DOK6: variants seen among roughly 807,000 people sequenced by gnomAD.
The protein encoded by DOK6 is downstream of tyrosine kinase 6.
DOK6 carries 22 observed loss-of-function variants against 44.0 expected under a neutral mutation model. The ratio of observed to expected loss-of-function variants is 0.50; its 90% CI spans 0.36 to 0.71. The LOEUF is 0.71. Among genes scored for constraint, DOK6 ranks in the 30% least tolerant of loss-of-function variants. DOK6 has a pLI of 0.00. For synonymous variants in DOK6, 166 were observed against 145.5 expected (o/e 1.14, Z -1.01); for missense variants, 340 against 416.4 (o/e 0.82, Z 1.60).
chr18:69,717,833 GC>G (rs1986919017), intron 5 of DOK6, among the ~76,000 whole-genome samples: 1 of 152,154 alleles, frequency 6.6e-6, no homozygotes, highest in South Asian at 2.1e-4. Flanking sequence ...TGGTTGGTTT[GC>G]ATTTGAAAAG....
intron 1 of DOK6, among the ~76,000 whole-genome samples, chr18:69,482,777 A>C (rs1980465818): frequency 6.6e-6 from 1 of 151,948 alleles, no homozygotes; most frequent in Non-Finnish European, 1.5e-5. Flanking sequence ...ACTATATGAA[A>C]AAGGATGAAA....
chr18:69,477,068 C>T (rs1385563119), intron 1 of DOK6, among the ~76,000 whole-genome samples: 3 of 152,124 alleles, frequency 2.0e-5, no homozygotes, highest in African/African-American at 7.2e-5. Flanking sequence ...CTACTTGTAG[C>T]ATAAAAATAG....
intron 1 of DOK6, among the ~76,000 whole-genome samples, chr18:69,500,223 G>GT (rs547237162): frequency 2.0e-3 from 301 of 152,240 alleles, no homozygotes; most frequent in African/African-American, 6.7e-3. Context: ...AGGCACTGAC[G>GT]TTATCTTCTA....
intron 1 of DOK6, among the ~76,000 whole-genome samples, chr18:69,464,777 T>C (rs1454407074): frequency 6.6e-6 from 1 of 152,212 alleles, no homozygotes; most frequent in African/African-American, 2.4e-5. Flanking sequence ...AGAACATTAT[T>C]ACATAAAATT....
rs150205445 is a variant in DOK6 at position 69,636,868 on chromosome 18, G to A, written c.289+37370G>A. Reference sequence around the variant, plus strand: ...CAATGAAGTTCAAAGTCAGCTGAAAGGCCAAAAAAAAGGATGCAAAGGCAA... The same window carrying A: ...CAATGAAGTTCAAAGTCAGCTGAAAAGCCAAAAAAAAGGATGCAAAGGCAA... On this transcript the variant is annotated intron_variant, in intron 3 of 7. Transcript: ENST00000382713. Among the ~76,000 whole-genome samples the A allele has an allele frequency of 2.5e-4, 38 of 152,180 alleles. No homozygotes were observed. The East Asian group carries it at 6.6e-3, about 26-fold the overall frequency.
chr18:69,512,232 G>T (rs1188529077), intron 1 of DOK6, among the ~76,000 whole-genome samples: 2 of 150,920 alleles, frequency 1.3e-5, no homozygotes, highest in Admixed American at 1.3e-4. Flanking sequence ...CCATACTCAA[G>T]CCTTGTCAAT....
At chr18:69,684,958 G>A (rs113053313) in intron 4 of DOK6, among the ~76,000 whole-genome samples, 48 of 152,210 alleles carry the variant, frequency 3.2e-4, no homozygotes, top group African/African-American at 9.4e-4. Flanking sequence ...GCATACAGGC[G>A]CATACAAATG....
At chr18:69,664,656 G>C (rs973499695) in intron 3 of DOK6, among the ~76,000 whole-genome samples, 1 of 152,124 alleles carries the variant, frequency 6.6e-6, no homozygotes, top group African/African-American at 2.4e-5. Context: ...TAGGCACTCA[G>C]GGCTTCTCAG....
At chr18:69,408,057 A>G (rs938386930) in intron 1 of DOK6, among the ~76,000 whole-genome samples, 3 of 152,180 alleles carry the variant, frequency 2.0e-5, no homozygotes, top group African/African-American at 7.2e-5. Context: ...AATCCAAAAG[A>G]AGTAAGGCAA....
intron 1 of DOK6, 36 bp downstream of exon 1, chr18:69,401,346 C>T: frequency 6.8e-7 from 1 of 1,460,698 alleles, no homozygotes; most frequent in Non-Finnish European, 9.1e-7. Flanking sequence ...TTCCCCGGCG[C>T]TCGTTCGGCC....
chr18:69,600,245 T>C (rs780620938), intron 3 of DOK6, among the ~76,000 whole-genome samples: 3 of 152,224 alleles, frequency 2.0e-5, no homozygotes, highest in Admixed American at 1.3e-4. Flanking sequence ...AAAATGGTCC[T>C]TCTAGTTTTG....
At chr18:69,586,985 A>G (rs1280826333) in intron 2 of DOK6, among the ~76,000 whole-genome samples, 1 of 152,222 alleles carries the variant, frequency 6.6e-6, no homozygotes, top group Non-Finnish European at 1.5e-5. Context: ...ATAAGCAGGG[A>G]TGTATCCCTT....
At chr18:69,487,257 G>A (rs1321392683) in intron 1 of DOK6, among the ~76,000 whole-genome samples, 1 of 150,814 alleles carries the variant, frequency 6.6e-6, no homozygotes, top group Non-Finnish European at 1.5e-5. Flanking sequence ...GGGGGTATCA[G>A]CCCTCACTTT....
intron 3 of DOK6, among the ~76,000 whole-genome samples, chr18:69,630,558 A>G (rs1984667071): frequency 1.3e-5 from 2 of 152,238 alleles, no homozygotes; most frequent in African/African-American, 4.8e-5. Context: ...CTGAGTGTAG[A>G]GTAAGAAGGT....
At chr18:69,690,484 T>G (rs1190186917) in intron 4 of DOK6, among the ~76,000 whole-genome samples, 1 of 152,204 alleles carries the variant, frequency 6.6e-6, no homozygotes, top group East Asian at 1.9e-4. Context: ...CAGTGTGGTT[T>G]CAGCTTCTAA....
intron 7 of DOK6, among the ~76,000 whole-genome samples, chr18:69,806,168 G>A (rs1453966501): frequency 6.6e-6 from 1 of 151,770 alleles, no homozygotes; most frequent in Admixed American, 6.6e-5. Context: ...CCATAGAGAA[G>A]TACTTGTTCT....
intron 1 of DOK6, among the ~76,000 whole-genome samples, chr18:69,522,943 G>T (rs1293723007): frequency 6.6e-6 from 1 of 152,122 alleles, no homozygotes; most frequent in Non-Finnish European, 1.5e-5. Context: ...CTGGGAGCCA[G>T]TTGTTGAGTG....
chr18:69,773,492 A>G lies in DOK6; in HGVS notation c.856+15619A>G, dbSNP rs571556660. Among the ~76,000 whole-genome samples, 42 of 152,160 alleles carry G rather than the reference A, an allele frequency of 2.8e-4. No individual in the cohort carries two copies. In the South Asian group the frequency reaches 3.9e-3, roughly 14 times the overall value. Reference sequence around the variant, plus strand: ...AAATGTGGTATAAACATACAATTGAATATTATTCAGCCTCAAAAAAGATAG... The same window carrying G: ...AAATGTGGTATAAACATACAATTGAGTATTATTCAGCCTCAAAAAAGATAG... On this transcript the variant is annotated intron_variant, in intron 7 of 7. Transcript: ENST00000382713.
chr18:69,562,565 A>G lies in DOK6; in HGVS notation c.67-1922A>G, dbSNP rs1982862095. ...GCAACGAGGAAAGCATTCCCTATTT[A>G]CTAAATGGTGCTGGGAAAACTGGCT... On this transcript the variant is annotated intron_variant, in intron 1 of 7. Transcript: ENST00000382713. Among the ~76,000 whole-genome samples, 3 of 152,328 alleles carry G rather than the reference A, an allele frequency of 2.0e-5. No individual in the cohort carries two copies. The South Asian group carries it at 6.2e-4, about 32-fold the overall frequency.
Sources: allele counts gnomAD v4.1 joint callset (sites outside exome capture counted in the v4.1 genomes callset), GRCh38; gene constraint gnomAD v4.1.1; transcripts MANE v1.5; gene names NCBI Gene and HGNC (gene_info 2026-07-23, HGNC 2026-07-21).